Variants in RASGRF2 observed in about 807,000 individuals in gnomAD.
RASGRF2 encodes Ras protein specific guanine nucleotide releasing factor 2.
In RASGRF2, 76 loss-of-function variants were observed where a neutral mutation model predicts 151.0. That is an observed-to-expected ratio of 0.50 (90% CI 0.42 to 0.61). The LOEUF is 0.61. Ranked by LOEUF, RASGRF2 falls within the 20% of genes least tolerant of loss-of-function variation. The pLI is 0.00. For synonymous variants in RASGRF2, 504 were observed against 566.5 expected, an observed-to-expected ratio of 0.89 and a Z score of 1.57; for missense variants, 1,148 against 1,564.6, an observed-to-expected ratio of 0.73 and a Z score of 4.49.
At chr5:81,101,570 A>G (rs747301534) in intron 12 of RASGRF2, among the ~76,000 whole-genome samples, 1 of 151,900 alleles carries the variant, frequency 6.6e-6, no homozygotes, top group South Asian at 2.1e-4. Context: ...CCCCTATTTT[A>G]TATAAATGTA....
intron 2 of RASGRF2, among the ~76,000 whole-genome samples, chr5:81,057,438 T>C (rs530503985): frequency 6.6e-6 from 1 of 152,360 alleles, no homozygotes; most frequent in African/African-American, 2.4e-5. Context: ...AACTAAGGTC[T>C]GTAATTTCAC....
At chr5:81,127,043 C>T in intron 16 of RASGRF2, 31 bp from the exon 17 acceptor site, 1 of 1,602,000 alleles carries the variant, frequency 6.2e-7, no homozygotes, top group Non-Finnish European at 8.6e-7. Context: ...TTTGCCTCAC[C>T]ATTCCATTTC....
At chr5:81,042,280 C>T (rs1322069023) in intron 1 of RASGRF2, among the ~76,000 whole-genome samples, 1 of 152,204 alleles carries the variant, frequency 6.6e-6, no homozygotes, top group Non-Finnish European at 1.5e-5. Context: ...ATGGCAATTA[C>T]ATTTCCTTTC....
At chr5:81,081,790 C>G (rs780514342) in intron 7 of RASGRF2, among the ~76,000 whole-genome samples, 1 of 152,082 alleles carries the variant, frequency 6.6e-6, no homozygotes, top group East Asian at 1.9e-4. Context: ...TGGAAGTTGC[C>G]GTAGAAGTTT....
intron 1 of RASGRF2, among the ~76,000 whole-genome samples, chr5:80,980,726 C>A (rs1364637288): frequency 6.6e-6 from 1 of 152,188 alleles, no homozygotes; most frequent in African/African-American, 2.4e-5. Context: ...AACTTACACC[C>A]TTTGTGAATT....
intron 18 of RASGRF2, among the ~76,000 whole-genome samples, chr5:81,183,600 T>TACCTTCTCACTATTTGTTGC (rs1261866317): frequency 6.6e-6 from 1 of 152,234 alleles, no homozygotes; most frequent in Non-Finnish European, 1.5e-5. Flanking sequence ...GATTTTGTTA[T>TACCTTCTCACTATTTGTTGC]ACCTTCTCAC....
rs1322662588 is a variant in RASGRF2, at chr5:81,070,589, C to T, written c.633+8C>T. On this transcript the variant is annotated splice_region_variant and intron_variant, in intron 4 of 26. Transcript: ENST00000265080. ...ATCAAGAAGATTAAAAAGGTAGGGC[C>T]TGGAGGTTTCCAGCTTTGTAGGAGC... 6.3e-7 allele frequency: 1 copy of T among 1,588,758 alleles called. No individual in the cohort carries two copies. Among genetic ancestry groups the T allele is most frequent in the African/African-American group, 1.3e-5 (1 of 74,324 alleles).
chr5:81,172,149 T>C (rs577310296), intron 17 of RASGRF2, among the ~76,000 whole-genome samples: 8 of 152,228 alleles, frequency 5.3e-5, no homozygotes, highest in African/African-American at 1.4e-4. Context: ...TCCTCATCTA[T>C]AAAAACAAGG....
intron 2 of RASGRF2, among the ~76,000 whole-genome samples, chr5:81,056,713 A>G (rs1751226676): frequency 6.6e-6 from 1 of 152,124 alleles, no homozygotes; most frequent in Non-Finnish European, 1.5e-5. Context: ...GATCTGTCTA[A>G]TGTTGACAGT....
chr5:81,197,078 A>G (rs1755281055), intron 18 of RASGRF2, among the ~76,000 whole-genome samples: 1 of 152,190 alleles, frequency 6.6e-6, no homozygotes, highest in Non-Finnish European at 1.5e-5. Flanking sequence ...AAGCCTTAAT[A>G]TTGATGAGAT....
chr5:81,028,394 C>G (rs1750114937), intron 1 of RASGRF2, among the ~76,000 whole-genome samples: 2 of 151,186 alleles, frequency 1.3e-5, no homozygotes. Flanking sequence ...GTTTGTATTT[C>G]TGATGTCTTT....
At chr5:80,980,694 C>A (rs1158646614) in intron 1 of RASGRF2, among the ~76,000 whole-genome samples, 2 of 152,150 alleles carry the variant, frequency 1.3e-5, no homozygotes, top group Non-Finnish European at 2.9e-5. Context: ...ATTTCTTAGT[C>A]CCCTCTCCCT....
intron 1 of RASGRF2, among the ~76,000 whole-genome samples, chr5:81,001,921 T>C (rs1367860413): frequency 1.3e-5 from 2 of 152,224 alleles, no homozygotes; most frequent in African/African-American, 2.4e-5. Flanking sequence ...ACAAGGTCTT[T>C]GTCTTCTATG....
rs766618613 is a variant in RASGRF2, at chr5:81,215,955, A to G, written c.3434A>G (p.Asn1145Ser). ...AAAAATCTTAGAGAAACCCTTAAAAAGTATGTCTATCTTAATTATTAAATT... is the reference window on the plus strand; with the variant it reads ...AAAAATCTTAGAGAAACCCTTAAAAGGTATGTCTATCTTAATTATTAAATT... ...RFKNLRETLK[N>S]CNPPAVPYLG... The change falls in exon 24 of 27, where the codon AAT becomes AGT. Residue 1145 changes from asparagine (N) to serine (S), a missense_variant and splice_region_variant. Coordinates refer to ENST00000265080, the MANE Select transcript of RASGRF2 (RefSeq NM_006909.3). The G allele has an allele frequency of 1.3e-6, 2 of 1,529,212 alleles. No homozygotes were observed. The highest frequency in any genetic ancestry group is 2.8e-5 in the African/African-American group (2 of 70,342). The allele number at this position is 1,529,212 out of a possible 1,614,324, so 94.7% of individuals were successfully genotyped here.
chr5:81,154,391 T>A (rs1408431993), intron 17 of RASGRF2, among the ~76,000 whole-genome samples: 1 of 152,264 alleles, frequency 6.6e-6, no homozygotes, highest in East Asian at 1.9e-4. Context: ...CTGGACTGAC[T>A]AATTCTTTTT....
chr5:81,063,036 C>G lies in RASGRF2; in HGVS notation c.396-4996C>G, dbSNP rs573034195. Among the ~76,000 whole-genome samples, 21 of 143,872 alleles carry G rather than the reference C, an allele frequency of 1.5e-4. No homozygotes were observed. In the East Asian group the frequency reaches 4.1e-3, roughly 28 times the overall value. 94.4% of individuals were successfully genotyped at this position (143,872 alleles called of 152,430 possible). A position where few individuals can be genotyped will look rare whatever the true frequency, so the allele number is the denominator to read the frequency against. ...TCCAAGTTAATGATGAAAAGTATGA[C>G]AGAAAAAAAAAAACTATGACAGCAT... On this transcript the variant is annotated intron_variant, in intron 2 of 26. Transcript: ENST00000265080.
intron 17 of RASGRF2, among the ~76,000 whole-genome samples, chr5:81,131,918 GC>G (rs1753632258): frequency 6.6e-6 from 1 of 152,174 alleles, no homozygotes; most frequent in Non-Finnish European, 1.5e-5. Context: ...GTAGTGTTGT[GC>G]TTTCACTATT....
intron 1 of RASGRF2, among the ~76,000 whole-genome samples, chr5:81,029,162 G>A (rs1164100532): frequency 6.6e-6 from 1 of 152,176 alleles, no homozygotes; most frequent in African/African-American, 2.4e-5. Context: ...AGCTCTAACT[G>A]GGTGGAGCCC....
rs1321074458 is a variant in RASGRF2, at chr5:81,219,716, C to A, written c.3559C>A (p.His1187Asn). The A allele has an allele frequency of 6.2e-7, 1 of 1,608,418 alleles. No homozygotes were observed. The highest frequency in any genetic ancestry group is 1.7e-5 in the Admixed American group (1 of 59,952). ...TTGTTTTTTTCTCTGTTAGATATCA[C>A]ACATCATCAGAGAGATACGCCAGTT... is the stretch of plus-strand genomic sequence containing the variant. ...VNFSKMRMIS[H>N]IIREIRQFQQ... The change falls in exon 26 of 27, where the codon CAC (histidine) becomes AAC (asparagine). Residue 1187 changes from histidine to asparagine, a missense_variant. His to Asn is a moderately conservative substitution (Grantham distance 68). Coordinates refer to ENST00000265080, the MANE Select transcript of RASGRF2 (RefSeq NM_006909.3).
Sources: allele counts gnomAD v4.1 joint callset (sites outside exome capture counted in the v4.1 genomes callset), GRCh38; gene constraint gnomAD v4.1.1; transcripts MANE v1.5; gene names NCBI Gene and HGNC (gene_info 2026-07-23, HGNC 2026-07-21).